The following FARP2 variants were observed in gnomAD, a reference collection of about 807,000 sequenced individuals.
The protein encoded by FARP2 is FERM, ARHGEF and pleckstrin domain-containing protein 2.
A neutral mutation model predicts 130.5 loss-of-function variants in FARP2; 111 were observed. The ratio of observed to expected loss-of-function variants is 0.85; its 90% CI spans 0.73 to 1.00. FARP2 has a LOEUF of 1.00. FARP2 is among the 50% of genes least tolerant of loss of function. The pLI, the probability that FARP2 is intolerant of heterozygous loss-of-function variation, is 0.00. For synonymous variants in FARP2, 504 were observed against 516.9 expected, an observed-to-expected ratio of 0.98 and a Z score of 0.34; for missense variants, 1,385 against 1,346.3, an observed-to-expected ratio of 1.03 and a Z score of -0.45.
At chr2:241,492,720 T>C in intron 24 of FARP2, 1 of 539,146 alleles carries the variant, frequency 1.9e-6, no homozygotes, top group Non-Finnish European at 3.3e-6. Flanking sequence ...GAACTCACTT[T>C]ACTTGGTGCC....
At chr2:241,487,123 C>T (rs2064771617) in intron 21 of FARP2, among the ~76,000 whole-genome samples, 1 of 152,234 alleles carries the variant, frequency 6.6e-6, no homozygotes, top group Admixed American at 6.5e-5. Context: ...TATGATAATG[C>T]TCACCAACAC....
At chr2:241,472,821 G>A (rs77400246) in intron 18 of FARP2, among the ~76,000 whole-genome samples, 84 of 151,094 alleles carry the variant, frequency 5.6e-4, no homozygotes, top group African/African-American at 2.0e-3. Flanking sequence ...GTTCTGAGGG[G>A]ACGCTATTCT....
chr2:241,457,780 G>T (rs1012056314), intron 14 of FARP2, among the ~76,000 whole-genome samples: 9 of 151,354 alleles, frequency 5.9e-5, no homozygotes, highest in Non-Finnish European at 1.2e-4. Flanking sequence ...GCTAAGGGAG[G>T]GTGCACTAGG....
chr2:241,479,463 A>G (rs1051653574), intron 19 of FARP2, among the ~76,000 whole-genome samples: 1 of 152,220 alleles, frequency 6.6e-6, no homozygotes, highest in African/African-American at 2.4e-5. Flanking sequence ...GCTGGTTGCT[A>G]TCAGCCTCAC....
At chr2:241,471,922 T>C (rs2064325120) in intron 18 of FARP2, among the ~76,000 whole-genome samples, 1 of 152,166 alleles carries the variant, frequency 6.6e-6, no homozygotes, top group Non-Finnish European at 1.5e-5. Context: ...GACCCTGTTC[T>C]GAGGGGATTA....
At chr2:241,468,437 C>A in intron 18 of FARP2, 60 bp downstream of exon 18, 1 of 1,350,928 alleles carries the variant, frequency 7.4e-7, no homozygotes, top group Non-Finnish European at 1.0e-6. Flanking sequence ...GAGGCAGGGG[C>A]GGCTTTGCCA....
intron 26 of FARP2, 119 bp from the exon 27 acceptor site, chr2:241,493,889 A>T (rs1461828285): frequency 1.6e-6 from 1 of 609,010 alleles, no homozygotes; most frequent in South Asian, 3.9e-5. Context: ...GAGCCACCGC[A>T]CCCGGCCCCA....
intron 26 of FARP2, 74 bp downstream of exon 26, chr2:241,493,518 G>A (rs2065008211): frequency 9.6e-6 from 14 of 1,464,256 alleles, no homozygotes; most frequent in Non-Finnish European, 1.3e-5. Context: ...TACTCATGGT[G>A]GTGGAGGCAA....
intron 17 of FARP2, chr2:241,466,691 C>A: frequency 4.3e-6 from 2 of 469,692 alleles, no homozygotes; most frequent in Non-Finnish European, 5.1e-6. Flanking sequence ...TTCCAACCAC[C>A]CCCCCCCCCA....
chr2:241,442,999 C>T (rs1419379992), intron 13 of FARP2: 1 of 196,124 alleles, frequency 5.1e-6, no homozygotes, highest in African/African-American at 2.4e-5. Context: ...CTACACAAAA[C>T]CTTGAGTATG....
intron 2 of FARP2, among the ~76,000 whole-genome samples, chr2:241,384,220 A>T (rs1004850127): frequency 2.6e-5 from 4 of 152,130 alleles, no homozygotes; most frequent in African/African-American, 9.7e-5. Flanking sequence ...TTAAAGAGAA[A>T]CATGAAAAGT....
chr2:241,373,599 C>T (rs2061471445), intron 2 of FARP2, among the ~76,000 whole-genome samples: 2 of 152,214 alleles, frequency 1.3e-5, no homozygotes, highest in African/African-American at 4.8e-5. Flanking sequence ...ACCTTCCCAG[C>T]TTAAGCCACC....
chr2:241,455,895 A>G (rs950165055), intron 13 of FARP2, among the ~76,000 whole-genome samples: 2 of 151,888 alleles, frequency 1.3e-5, no homozygotes, highest in African/African-American at 4.8e-5. Context: ...ACCTGCCACC[A>G]TGCCCGGCTA....
intron 8 of FARP2, among the ~76,000 whole-genome samples, chr2:241,426,524 A>G (rs771374369): frequency 5.3e-5 from 8 of 152,246 alleles, no homozygotes; most frequent in Non-Finnish European, 1.5e-5. Flanking sequence ...AAAGTGGAGA[A>G]TGTGCTAGCT....
intron 1 of FARP2, among the ~76,000 whole-genome samples, chr2:241,366,142 C>CGTATATAT: frequency 4.9e-5 from 1 of 20,336 alleles, no homozygotes; most frequent in South Asian, 1.1e-3. Context: ...TATATATACA[C>CGTATATAT]ACACACATAT....
intron 20 of FARP2, chr2:241,483,827 C>T: frequency 5.1e-6 from 5 of 985,432 alleles, no homozygotes; most frequent in Non-Finnish European, 6.0e-6. Context: ...AGTCCACATA[C>T]ATGTGGCTGC....
rs997429852 is a variant in FARP2 at position 241,481,951 on chromosome 2, G to T, written c.2263-1514G>T. Among the ~76,000 whole-genome samples, 87 of 152,168 alleles carry T rather than the reference G, an allele frequency of 5.7e-4. 1 individual carries two copies. The highest frequency in any genetic ancestry group is 1.1e-3 in the Non-Finnish European group (72 of 68,030). On this transcript the variant is annotated intron_variant, in intron 19 of 26. Transcript: ENST00000264042. ...GGGCCTTGCATGAAGTAGATGCTGT[G>T]CAAATTCAAATAATAATTTGTTATT...
intron 12 of FARP2, among the ~76,000 whole-genome samples, chr2:241,437,648 A>ATATATTTATT (rs1553723635): frequency 5.7e-5 from 8 of 139,550 alleles, no homozygotes; most frequent in East Asian, 2.2e-4. Flanking sequence ...ACATATATAT[A>ATATATTTATT]TATTTATTTA....
chr2:241,407,312 A>C (rs893241761), intron 4 of FARP2, among the ~76,000 whole-genome samples: 7 of 152,100 alleles, frequency 4.6e-5, no homozygotes, highest in Admixed American at 3.9e-4. Context: ...CTGCAACCTC[A>C]GACTGCTGGC....
Sources: allele counts gnomAD v4.1 joint callset (sites outside exome capture counted in the v4.1 genomes callset), GRCh38; gene constraint gnomAD v4.1.1; transcripts MANE v1.5; gene names NCBI Gene and HGNC (gene_info 2026-07-23, HGNC 2026-07-21).